Variants in PKNOX2 observed in about 807,000 individuals in gnomAD.
The protein encoded by PKNOX2 is homeobox protein PKNOX2.
Under a neutral mutation model 53.1 loss-of-function variants are expected in PKNOX2, and 14 were observed. The observed-to-expected ratio is 0.26, with a 90% CI of 0.17 to 0.41. PKNOX2 has a LOEUF of 0.41. Among genes scored for constraint, PKNOX2 ranks in the 10% least tolerant of loss-of-function variants. PKNOX2 has a pLI of 1.00. For synonymous variants in PKNOX2, 257 were observed against 242.8 expected (o/e 1.06, Z -0.54); for missense variants, 496 against 602.8 (o/e 0.82, Z 1.85).
chr11:125,429,907 C>G lies in PKNOX2; in HGVS notation c.1014-56C>G, dbSNP rs371114026. 125 of 1,526,386 alleles carry G rather than the reference C, an allele frequency of 8.2e-5. 1 individual carries two copies. The African/African-American group carries it at 1.4e-3, about 17-fold the overall frequency. The allele number at this position is 1,526,386 out of a possible 1,614,324, so 94.6% of individuals were successfully genotyped here. On this transcript the variant is annotated intron_variant, in intron 11 of 12. Transcript: ENST00000298282. ...AAGGCAGCTTCACCCTCCCTGCCCCCACCCCAAGGCCATGCAGGTGATGAC... is the reference window on the plus strand; with the variant it reads ...AAGGCAGCTTCACCCTCCCTGCCCCGACCCCAAGGCCATGCAGGTGATGAC...
At chr11:125,193,543 A>G (rs968588067) in intron 1 of PKNOX2, among the ~76,000 whole-genome samples, 1 of 152,214 alleles carries the variant, frequency 6.6e-6, no homozygotes, top group Admixed American at 6.5e-5. Context: ...GTGTAAGGCT[A>G]TAACTTACAA....
chr11:125,370,834 C>T lies in PKNOX2; in HGVS notation c.227+2849C>T, dbSNP rs140126514. 8.4e-3 allele frequency among the ~76,000 whole-genome samples: 1,272 copies of T among 152,306 alleles called. 19 individuals are homozygous for T. The highest frequency in any genetic ancestry group is 0.027 in the African/African-American group (1,135 of 41,550). On this transcript the variant is annotated intron_variant, in intron 5 of 12. Coordinates refer to ENST00000298282, the MANE Select transcript of PKNOX2 (RefSeq NM_001382323.2). This position sits in a 1 kb window ranked among gnomAD's most constrained non-coding sequence, Gnocchi z 4.1. ...GCTGCTCCAAAGCACATCAGGGAGT[C>T]GGCATTTTATGTCAATAAGTGTAAC...
chr11:125,188,912 G>A (rs1001678378), intron 1 of PKNOX2, among the ~76,000 whole-genome samples: 2 of 151,798 alleles, frequency 1.3e-5, no homozygotes, highest in African/African-American at 2.4e-5. Flanking sequence ...CCCCGTGAAA[G>A]GACGTGGCAC....
intron 1 of PKNOX2, among the ~76,000 whole-genome samples, chr11:125,198,838 CTTCTTT>C (rs1565467293): frequency 0.022 from 2,969 of 136,620 alleles, 102 homozygotes; most frequent in African/African-American, 0.072. Flanking sequence ...TCTTCTTCTT[CTTCTTT>C]TTTTTTTTTT....
intron 10 of PKNOX2, among the ~76,000 whole-genome samples, chr11:125,425,761 C>T (rs1956381462): frequency 6.6e-6 from 1 of 152,362 alleles, no homozygotes; most frequent in Admixed American, 6.5e-5. Flanking sequence ...TGACTCTGTC[C>T]TCAGGAATCA....
chr11:125,396,462 T>G (rs945937868), intron 6 of PKNOX2, among the ~76,000 whole-genome samples: 21 of 152,134 alleles, frequency 1.4e-4, no homozygotes, highest in African/African-American at 5.1e-4. Flanking sequence ...TAGCACCATT[T>G]GAACAACCCC....
chr11:125,392,503 G>C (rs906429415), intron 6 of PKNOX2, among the ~76,000 whole-genome samples: 1 of 152,144 alleles, frequency 6.6e-6, no homozygotes, highest in Non-Finnish European at 1.5e-5. Flanking sequence ...AATTCCATTA[G>C]CCCATAAAAA....
chr11:125,274,916 C>T (rs1460013628), intron 2 of PKNOX2, among the ~76,000 whole-genome samples: 4 of 152,150 alleles, frequency 2.6e-5, no homozygotes, highest in Non-Finnish European at 4.4e-5. Context: ...GGCCCAGTCC[C>T]GGGGTGCAGA....
intron 1 of PKNOX2, among the ~76,000 whole-genome samples, chr11:125,200,697 G>A (rs775752292): frequency 3.3e-5 from 5 of 152,192 alleles, no homozygotes; most frequent in South Asian, 2.1e-4. Flanking sequence ...CTGCAGTCAC[G>A]TATGTATTTA....
At chr11:125,410,356 G>A (rs750882305) in intron 8 of PKNOX2, 31 bp downstream of exon 8, 1 of 1,612,652 alleles carries the variant, frequency 6.2e-7, no homozygotes, top group Non-Finnish European at 8.5e-7. Context: ...GGGTGATTGT[G>A]GGAATTCCCT....
chr11:125,287,793 T>A (rs889615820), intron 2 of PKNOX2: 6 of 152,254 alleles, frequency 3.9e-5, no homozygotes, highest in Non-Finnish European at 5.9e-5. Flanking sequence ...AGACTGCTAA[T>A]GAAAGAGAGG....
Position 125,199,294 on chromosome 11 carries a change from G to A in PKNOX2, c.-201+34518G>A, listed in dbSNP as rs140209677. 2.4e-3 allele frequency among the ~76,000 whole-genome samples: 367 copies of A among 152,266 alleles called. 3 individuals are homozygous for A. The highest frequency in any genetic ancestry group is 8.5e-3 in the African/African-American group (352 of 41,540). ...TAGACTGCTCTGAGGAGGTCAAAGA[G>A]CTTCAGTGAGGGGGAGAACGGCTGC... On this transcript the variant is annotated intron_variant, in intron 1 of 12. Transcript: ENST00000298282.
Position 125,266,085 on chromosome 11 carries a change from G to A in PKNOX2, c.-130+30970G>A, listed in dbSNP as rs572243000. ...ATGCACACTTACCAAATTTCTCAAA[G>A]AAAGGAATAGTTCCTTTCTCACTGG... On this transcript the variant is annotated intron_variant, in intron 2 of 12. Transcript: ENST00000298282. 2.3e-3 allele frequency among the ~76,000 whole-genome samples: 347 copies of A among 152,294 alleles called. 1 individual carries two copies. The highest frequency in any genetic ancestry group is 9.3e-3 in the South Asian group (45 of 4,818).
At chr11:125,367,763 G>A (rs1591544530) in intron 4 of PKNOX2, 83 bp from the exon 5 acceptor site, 2 of 1,486,616 alleles carry the variant, frequency 1.3e-6, no homozygotes, top group East Asian at 4.8e-5. Context: ...CACAGCACAG[G>A]CCAAGGCGGA....
intron 1 of PKNOX2, among the ~76,000 whole-genome samples, chr11:125,184,993 G>T (rs991006381): frequency 6.6e-6 from 1 of 152,142 alleles, no homozygotes; most frequent in Admixed American, 6.5e-5. Context: ...CCCCAGGCAG[G>T]TTACTCACTG....
intron 1 of PKNOX2, among the ~76,000 whole-genome samples, chr11:125,193,938 A>AGTGTTGTT (rs1259823951): frequency 1.3e-5 from 2 of 152,200 alleles, no homozygotes; most frequent in Non-Finnish European, 2.9e-5. Flanking sequence ...TTCTCCCCAC[A>AGTGTTGTT]GTGTTGTGAG....
intron 4 of PKNOX2, among the ~76,000 whole-genome samples, chr11:125,362,873 G>A (rs374858511): frequency 1.2e-4 from 19 of 152,148 alleles, no homozygotes; most frequent in African/African-American, 4.6e-4. Context: ...GACTGCCAGC[G>A]TGGCTGGATC....
At chr11:125,429,860 C>T in intron 11 of PKNOX2, 103 bp from the exon 12 acceptor site, 1 of 1,325,386 alleles carries the variant, frequency 7.5e-7, no homozygotes, top group Non-Finnish European at 1.0e-6. Flanking sequence ...GAACCCCGGT[C>T]TGCTCTGTGA....
At chr11:125,380,407 C>T (rs946326701) in intron 5 of PKNOX2, among the ~76,000 whole-genome samples, 1 of 144,666 alleles carries the variant, frequency 6.9e-6, no homozygotes, top group Non-Finnish European at 1.5e-5. Flanking sequence ...GTGGAGGGGG[C>T]GGTCGGGAGG....
Sources: gnomAD v4.1 joint callset for allele counts (sites outside exome capture counted in the v4.1 genomes callset) on GRCh38, gnomAD v4.1.1 for gene constraint, Gnocchi (gnomAD v3.1) non-coding constraint, MANE v1.5 for transcripts, NCBI Gene and HGNC (gene_info 2026-07-23, HGNC 2026-07-21) for gene names.